Variants in CLTCL1 observed in about 807,000 individuals in gnomAD.
CLTCL1 encodes the protein clathrin heavy chain 2.
CLTCL1 carries 159 observed loss-of-function variants against 190.0 expected under a neutral mutation model. The ratio of observed to expected loss-of-function variants is 0.84; its 90% CI spans 0.74 to 0.95. The LOEUF (loss-of-function observed/expected upper bound fraction) is 0.95, where lower values mean the gene tolerates loss of function less well. Ranked by LOEUF, CLTCL1 falls within the 40% of genes least tolerant of loss-of-function variation. The pLI is 0.00. For synonymous variants in CLTCL1, 752 were observed against 769.6 expected, an observed-to-expected ratio of 0.98 and a Z score of 0.38; for missense variants, 1,878 against 2,033.4, an observed-to-expected ratio of 0.92 and a Z score of 1.47.
chr22:19,274,107 G>A (rs923564810), intron 2 of CLTCL1, among the ~76,000 whole-genome samples: 2 of 152,118 alleles, frequency 1.3e-5, no homozygotes, highest in Admixed American at 6.6e-5. Context: ...TCTGAGACCT[G>A]CTGAAAACAC....
rs113002239 is a variant in CLTCL1, at chr22:19,275,665, T to C, written c.208A>G (p.Ser70Gly). The C allele has an allele frequency of 2.2e-5, 36 of 1,607,166 alleles. No individual in the cohort carries two copies. In the African/African-American group the frequency reaches 2.4e-4, roughly 11 times the overall value. Residue 70 changes from serine to glycine, a missense_variant, in exon 2 of 33, where the codon AGT becomes GGT. By Grantham distance (56) the Ser-to-Gly change is moderately conservative. Coordinates refer to ENST00000427926, the MANE Select transcript of CLTCL1 (RefSeq NM_007098.4). ...TTAGAGGCTGGATTCATGATGGCAC[T>C]CTCTGCAGAGATAGGCCGTCGGATC... ...APIRRPISAE[S>G]AIMNPASKVI...
chr22:19,224,761 G>T (rs1227866535), intron 13 of CLTCL1, among the ~76,000 whole-genome samples: 1 of 152,140 alleles, frequency 6.6e-6, no homozygotes, highest in Non-Finnish European at 1.5e-5. Flanking sequence ...TTTCCTACAG[G>T]GGTGTCTTCT....
At chr22:19,272,991 A>G (rs1475814356) in intron 2 of CLTCL1, among the ~76,000 whole-genome samples, 7 of 152,206 alleles carry the variant, frequency 4.6e-5, no homozygotes, top group Middle Eastern at 3.4e-3. Flanking sequence ...CCCCTTTCCA[A>G]TCACAAAACT....
In CLTCL1 at chr22:19,187,886, C is replaced by T. The variant is rs528638076; in HGVS notation, c.4434+95G>A. Reference sequence around the variant, plus strand: ...TGGTGTCCTGTGGGGCCTGCACACCCTCCTGTGCAAAGGCAGCCTGCTTTG... The same window carrying T: ...TGGTGTCCTGTGGGGCCTGCACACCTTCCTGTGCAAAGGCAGCCTGCTTTG... On this transcript the variant is annotated intron_variant, in intron 28 of 32. Transcript: ENST00000427926. 5.8e-6 allele frequency: 8 copies of T among 1,387,758 alleles called. No individual in the cohort carries two copies. The South Asian group carries it at 7.2e-5, about 12-fold the overall frequency. 86.0% of individuals were successfully genotyped at this position (1,387,758 alleles called of 1,614,324 possible). A position where few individuals can be genotyped will look rare whatever the true frequency, so the allele number is the denominator to read the frequency against.
At chr22:19,287,027 C>G (rs1325133069) in intron 1 of CLTCL1, among the ~76,000 whole-genome samples, 2 of 152,144 alleles carry the variant, frequency 1.3e-5, no homozygotes, top group African/African-American at 4.8e-5. Context: ...AAACTTGGAG[C>G]TGCTTTTTTG....
chr22:19,179,936 G>A lies in CLTCL1; in HGVS notation c.*54C>T, dbSNP rs2084071105. ...GTTGGGAGCAGAGGCATATCCATAG[G>A]GGAAGCTGGCAGGGGCTGGGCCCAC... On this transcript the variant is annotated 3_prime_UTR_variant, in exon 33 of 33. Coordinates refer to ENST00000427926, the MANE Select transcript of CLTCL1 (RefSeq NM_007098.4). 1.9e-6 allele frequency: 1 copy of A among 533,530 alleles called. No individual in the cohort carries two copies. Among genetic ancestry groups the A allele is most frequent in the Non-Finnish European group, 3.4e-6 (1 of 297,394 alleles). 33.0% of individuals were successfully genotyped at this position (533,530 alleles called of 1,614,324 possible). A position where few individuals can be genotyped will look rare whatever the true frequency, so the allele number is the denominator to read the frequency against.
rs537884788 is a variant in CLTCL1 at position 19,251,996 on chromosome 22, C to T, written c.519+1963G>A. ...CCCCTGTATATCTGCAATGCCACTG[C>T]CTTCATCTAGTCACACATGCTTCAT... On this transcript the variant is annotated intron_variant, in intron 3 of 32. Coordinates refer to ENST00000427926, the MANE Select transcript of CLTCL1 (RefSeq NM_007098.4). 3.3e-5 allele frequency among the ~76,000 whole-genome samples: 5 copies of T among 152,324 alleles called. No individual in the cohort carries two copies. The South Asian group carries it at 1.0e-3, about 32-fold the overall frequency.
At chr22:19,243,477 G>T (rs1353178353) in intron 3 of CLTCL1, among the ~76,000 whole-genome samples, 7 of 152,012 alleles carry the variant, frequency 4.6e-5, no homozygotes, top group Admixed American at 4.6e-4. Flanking sequence ...AAATTAGCTG[G>T]TCATGGTGGC....
At chr22:19,270,357 G>A (rs1159857470) in intron 2 of CLTCL1, among the ~76,000 whole-genome samples, 3 of 152,006 alleles carry the variant, frequency 2.0e-5, no homozygotes, top group African/African-American at 7.3e-5. Flanking sequence ...AAACTTTCTG[G>A]GGTTGCAGAC....
rs147733938 is a variant in CLTCL1 at position 19,191,081 on chromosome 22, C to T, written c.4323+223G>A. 9.4e-3 allele frequency among the ~76,000 whole-genome samples: 1,438 copies of T among 152,240 alleles called. 33 individuals are homozygous for T. Among genetic ancestry groups the T allele is most frequent in the East Asian group, 0.069 (355 of 5,180 alleles). ...GTGAGCCACCGCACCCGGCCACAAACGGCTAATCTTTAAAAAAACACAGAA... is the reference window on the plus strand; with the variant it reads ...GTGAGCCACCGCACCCGGCCACAAATGGCTAATCTTTAAAAAAACACAGAA... On this transcript the variant is annotated intron_variant, in intron 27 of 32. Transcript: ENST00000427926.
Position 19,233,426 on chromosome 22 carries a change from T to C in CLTCL1, c.1364A>G (p.Asp455Gly). The C allele has an allele frequency of 6.2e-7, 1 of 1,613,632 alleles. No individual in the cohort carries two copies. The highest frequency in any genetic ancestry group is 8.5e-7 in the Non-Finnish European group (1 of 1,179,722). ...KQLLEKWLKE[D>G]KLECSEELGD... is the part of the protein sequence containing the mutation. Reference sequence around the variant, plus strand: ...CGAGCTCACAAGTGTTTCTACCTTATCTTCTTTCAGCCACTTCTCTAGGAG... The same window carrying C: ...CGAGCTCACAAGTGTTTCTACCTTACCTTCTTTCAGCCACTTCTCTAGGAG... Residue 455 changes from aspartate to glycine, a missense_variant, in exon 8 of 33, where the codon GAT (aspartate) becomes GGT (glycine). Asp to Gly is a moderately conservative substitution (Grantham distance 94). Transcript: ENST00000427926.
At chr22:19,226,094 T>C (rs1555955784) in intron 12 of CLTCL1, 125 bp downstream of exon 12, 1 of 1,078,934 alleles carries the variant, frequency 9.3e-7, no homozygotes, top group Non-Finnish European at 1.3e-6. Context: ...TAAAGTATGG[T>C]AGGTTAGGGC....
chr22:19,202,475 G>C (rs1187816089), intron 22 of CLTCL1, among the ~76,000 whole-genome samples: 1 of 3,846 alleles, frequency 2.6e-4, no homozygotes, highest in Non-Finnish European at 4.5e-4. Flanking sequence ...CCCCTCCTTT[G>C]CCATCCACGG....
chr22:19,214,904 C>G (rs1380708976), intron 19 of CLTCL1, among the ~76,000 whole-genome samples: 1 of 152,206 alleles, frequency 6.6e-6, no homozygotes, highest in African/African-American at 2.4e-5. Flanking sequence ...TGGTCTCAAA[C>G]TCCTGGCCTC....
chr22:19,191,966 T>G (rs1601456965), intron 26 of CLTCL1, among the ~76,000 whole-genome samples: 1 of 152,084 alleles, frequency 6.6e-6, no homozygotes, highest in Middle Eastern at 3.4e-3. Flanking sequence ...GTGGACCCTG[T>G]GCCTGTGCTC....
At chr22:19,264,777 G>A (rs2087063886) in intron 2 of CLTCL1, among the ~76,000 whole-genome samples, 1 of 152,030 alleles carries the variant, frequency 6.6e-6, no homozygotes, top group Non-Finnish European at 1.5e-5. Flanking sequence ...CAACTCAATG[G>A]TGAAATTTCA....
rs148315445 is a variant in CLTCL1, at chr22:19,232,542, C to T, written c.1578G>A (p.Pro526=). 1,784 of 1,613,934 alleles carry T rather than the reference C, an allele frequency of 1.1e-3. 11 individuals carry two copies. In the African/African-American group the frequency reaches 0.017, roughly 15 times the overall value. The part of the protein sequence containing the change: ...FLLRGVMKIS[P]EQGLQFSRML... ...TTCGAGAAAACTGCAGGCCCTGTTC[C>T]GGACTGATCTTCATTACACCCCTCA... Residue 526 remains proline, a synonymous_variant, in exon 10 of 33, where the codon CCG becomes CCA. Transcript: ENST00000427926.
At chr22:19,230,276 C>T (rs1555958348) in intron 10 of CLTCL1, among the ~76,000 whole-genome samples, 1 of 151,846 alleles carries the variant, frequency 6.6e-6, no homozygotes, top group Non-Finnish European at 1.5e-5. Flanking sequence ...GCTAATTTTT[C>T]TATTTTTAGT....
At chr22:19,250,940 T>C (rs542638399) in intron 3 of CLTCL1, among the ~76,000 whole-genome samples, 56 of 152,218 alleles carry the variant, frequency 3.7e-4, no homozygotes, top group South Asian at 2.3e-3. Flanking sequence ...TGTTTTATGG[T>C]TGTTTTGGCT....
Sources: allele counts gnomAD v4.1 joint callset (sites outside exome capture counted in the v4.1 genomes callset), GRCh38; gene constraint gnomAD v4.1.1; transcripts MANE v1.5; gene names NCBI Gene and HGNC (gene_info 2026-07-23, HGNC 2026-07-21).